ARHGAP44: variants seen among roughly 807,000 people sequenced by gnomAD.
ARHGAP44 encodes rho GTPase-activating protein 44.
Under a neutral mutation model 106.8 loss-of-function variants are expected in ARHGAP44, and 43 were observed. That is an observed-to-expected ratio of 0.40 (90% CI 0.32 to 0.52). The LOEUF is 0.52. Among genes scored for constraint, ARHGAP44 ranks in the 20% least tolerant of loss-of-function variants. ARHGAP44 has a pLI of 0.48. For missense variants in ARHGAP44, 866 were observed against 1,050.5 expected, an observed-to-expected ratio of 0.82 and a Z score of 2.43; for synonymous variants, 439 against 410.3, an observed-to-expected ratio of 1.07 and a Z score of -0.85.
chr17:12,852,698 C>T (rs754437739), intron 1 of ARHGAP44, among the ~76,000 whole-genome samples: 31 of 151,978 alleles, frequency 2.0e-4, no homozygotes, highest in South Asian at 4.2e-4. Context: ...CCTGCCACCA[C>T]GCCCGGCTAA....
rs551173626 is a variant in ARHGAP44, at chr17:12,845,691, T to TGTA, written c.54-49247_54-49245dup. Among the ~76,000 whole-genome samples, 600 of 152,318 alleles carry TGTA rather than the reference T, an allele frequency of 3.9e-3. 6 individuals carry two copies. The highest frequency in any genetic ancestry group is 0.017 in the South Asian group (82 of 4,832). On this transcript the variant is annotated intron_variant, in intron 1 of 20. Coordinates refer to ENST00000379672, the MANE Select transcript of ARHGAP44 (RefSeq NM_014859.6). ...GCTTCATCTAACTATCTTACTGAGT[T>TGTA]GTAGGACATTTATCCATACCTGGGA...
chr17:12,841,688 C>T (rs1008650704), intron 1 of ARHGAP44, among the ~76,000 whole-genome samples: 4 of 151,716 alleles, frequency 2.6e-5, no homozygotes, highest in East Asian at 3.9e-4. Flanking sequence ...TGGAGGGACA[C>T]GCAGGGGCTC....
At chr17:12,880,420 T>C (rs1202709964) in intron 1 of ARHGAP44, among the ~76,000 whole-genome samples, 1 of 152,182 alleles carries the variant, frequency 6.6e-6, no homozygotes, top group Non-Finnish European at 1.5e-5. Context: ...TTATTACATA[T>C]ACATTTATCC....
chr17:12,957,474 A>T (rs2039158756), intron 15 of ARHGAP44, among the ~76,000 whole-genome samples: 1 of 152,196 alleles, frequency 6.6e-6, no homozygotes, highest in African/African-American at 2.4e-5. Flanking sequence ...GGGGACTTTT[A>T]TTCAGGACTT....
intron 1 of ARHGAP44, among the ~76,000 whole-genome samples, chr17:12,815,383 A>T (rs541203324): frequency 6.6e-6 from 1 of 152,240 alleles, no homozygotes; most frequent in Non-Finnish European, 1.5e-5. Context: ...GTTCAATACT[A>T]GGAGAAATAC....
At chr17:12,919,906 A>G (rs1401957481) in intron 6 of ARHGAP44, 75 bp downstream of exon 6, 13 of 1,273,484 alleles carry the variant, frequency 1.0e-5, no homozygotes, top group Non-Finnish European at 1.4e-5. Context: ...GGTTTTAAGT[A>G]GGCAATTGTG....
intron 3 of ARHGAP44, among the ~76,000 whole-genome samples, chr17:12,903,662 T>A (rs370687553): frequency 6.6e-6 from 1 of 152,174 alleles, no homozygotes; most frequent in Non-Finnish European, 1.5e-5. Flanking sequence ...GTAAGTTCTT[T>A]AGTGGTGATT....
chr17:12,823,526 C>A (rs1325212025), intron 1 of ARHGAP44, among the ~76,000 whole-genome samples: 1 of 152,176 alleles, frequency 6.6e-6, no homozygotes, highest in Non-Finnish European at 1.5e-5. Flanking sequence ...CCATCTCTCT[C>A]CTCTGCCCCA....
At chr17:12,989,279 T>C (rs75370434) in intron 20 of ARHGAP44, among the ~76,000 whole-genome samples, 1 of 148,458 alleles carries the variant, frequency 6.7e-6, no homozygotes, top group Non-Finnish European at 1.5e-5. Context: ...AGCAAGGGGA[T>C]TTTTTTTAAC....
chr17:12,849,189 G>C (rs935975287), intron 1 of ARHGAP44, among the ~76,000 whole-genome samples: 1 of 151,228 alleles, frequency 6.6e-6, no homozygotes, highest in African/African-American at 2.4e-5. Flanking sequence ...GGGTCTGCAC[G>C]CCAGAGATCT....
chr17:12,971,507 C>T (rs115097096), intron 16 of ARHGAP44, among the ~76,000 whole-genome samples: 1,662 of 152,222 alleles, frequency 0.011, 33 homozygotes, highest in African/African-American at 0.037. Flanking sequence ...GTATCAGTTC[C>T]GTTCCCTAAG....
chr17:12,918,545 TG>T (rs1346966744), intron 5 of ARHGAP44, among the ~76,000 whole-genome samples: 1 of 152,162 alleles, frequency 6.6e-6, no homozygotes, highest in East Asian at 1.9e-4. Context: ...ACAACCAAAA[TG>T]GAAGAACTCG....
intron 1 of ARHGAP44, among the ~76,000 whole-genome samples, chr17:12,841,982 G>A (rs2035422129): frequency 6.6e-6 from 1 of 152,120 alleles, no homozygotes; most frequent in Non-Finnish European, 1.5e-5. Flanking sequence ...AGCAATACCG[G>A]TTTAGGGAAA....
intron 20 of ARHGAP44, chr17:12,987,280 T>C: frequency 1.3e-6 from 1 of 791,202 alleles, no homozygotes; most frequent in Non-Finnish European, 1.9e-6. Context: ...TCTCCAGCCT[T>C]CCCCGGCCTC....
In ARHGAP44 at chr17:12,789,673, G is replaced by C. The variant is rs967778316; in HGVS notation, c.-166G>C. The C allele has an allele frequency of 7.0e-6, 3 of 429,708 alleles. No individual in the cohort carries two copies. The highest frequency in any genetic ancestry group is 1.1e-5 in the Non-Finnish European group (3 of 262,312). 26.6% of individuals were successfully genotyped at this position (429,708 alleles called of 1,614,324 possible). ...GGCGCGGCGGGAGGAGTAGGCGGCG[G>C]CGCCCTCGGGAGGGAGCTGCGCGCG... On this transcript the variant is annotated 5_prime_UTR_variant, in exon 1 of 21. Coordinates refer to ENST00000379672, the MANE Select transcript of ARHGAP44 (RefSeq NM_014859.6).
At chr17:12,888,858 A>G (rs995771243) in intron 1 of ARHGAP44, among the ~76,000 whole-genome samples, 1 of 151,712 alleles carries the variant, frequency 6.6e-6, no homozygotes, top group African/African-American at 2.4e-5. Context: ...ATCTCTGGTA[A>G]TTTTCTTTGT....
At chr17:12,883,307 T>C (rs543229321) in intron 1 of ARHGAP44, among the ~76,000 whole-genome samples, 4 of 151,804 alleles carry the variant, frequency 2.6e-5, no homozygotes, top group African/African-American at 9.6e-5. Flanking sequence ...GAGTAAATCT[T>C]GTAGAGGCTT....
At chr17:12,859,136 A>T (rs1354366859) in intron 1 of ARHGAP44, among the ~76,000 whole-genome samples, 1 of 152,170 alleles carries the variant, frequency 6.6e-6, no homozygotes, top group African/African-American at 2.4e-5. Flanking sequence ...TAAAAATGGG[A>T]TATTTGGACA....
chr17:12,956,791 G>A, intron 15 of ARHGAP44, 45 bp downstream of exon 15: 1 of 1,551,856 alleles, frequency 6.4e-7, no homozygotes, highest in Non-Finnish European at 8.9e-7. Flanking sequence ...CAGGGAACAG[G>A]AGTATCACTG....
Sources: gnomAD v4.1 joint callset for allele counts (sites outside exome capture counted in the v4.1 genomes callset) on GRCh38, gnomAD v4.1.1 for gene constraint, MANE v1.5 for transcripts, NCBI Gene and HGNC (gene_info 2026-07-23, HGNC 2026-07-21) for gene names.